The following AKT3 variants were observed in gnomAD, a reference collection of about 807,000 sequenced individuals.
AKT3 encodes the protein AKT serine/threonine kinase 3, also known as RAC-gamma serine/threonine-protein kinase.
AKT3 carries 15 observed loss-of-function variants against 65.3 expected under a neutral mutation model. The ratio of observed to expected loss-of-function variants is 0.23; its 90% CI spans 0.15 to 0.35. The LOEUF is 0.35. AKT3 is among the 10% of genes least tolerant of loss of function. AKT3 has a pLI of 1.00. For synonymous variants in AKT3, 206 were observed against 183.8 expected, an observed-to-expected ratio of 1.12 and a Z score of -0.98; for missense variants, 243 against 576.5, an observed-to-expected ratio of 0.42 and a Z score of 5.92.
intron 12 of AKT3, among the ~76,000 whole-genome samples, chr1:243,529,602 G>C (rs775660219): frequency 6.6e-6 from 1 of 152,072 alleles, no homozygotes; most frequent in South Asian, 2.1e-4. Flanking sequence ...TCAGATGTCT[G>C]TAACTGTGTG....
intron 9 of AKT3, among the ~76,000 whole-genome samples, chr1:243,570,054 CT>C (rs1450041589): frequency 6.6e-6 from 1 of 152,122 alleles, no homozygotes; most frequent in Non-Finnish European, 1.5e-5. Context: ...ATTAAATGAA[CT>C]TACTTTCTAA....
chr1:243,540,475 ACAT>A (rs1317524911), intron 12 of AKT3, among the ~76,000 whole-genome samples: 1 of 152,208 alleles, frequency 6.6e-6, no homozygotes, highest in African/African-American at 2.4e-5. Context: ...CTATATTATA[ACAT>A]CATGTTTTTA....
chr1:243,797,915 C>T (rs1211780977), intron 2 of AKT3, among the ~76,000 whole-genome samples: 2 of 147,618 alleles, frequency 1.4e-5, no homozygotes, highest in African/African-American at 4.9e-5. Context: ...TGGAGTCTCA[C>T]TCTGTCACCC....
At chr1:243,811,662 A>G (rs1347564078) in intron 2 of AKT3, among the ~76,000 whole-genome samples, 1 of 152,216 alleles carries the variant, frequency 6.6e-6, no homozygotes, top group Non-Finnish European at 1.5e-5. Flanking sequence ...ACAGAATTGG[A>G]AAAAACTACT....
chr1:243,617,500 T>C (rs1314001544), intron 6 of AKT3, among the ~76,000 whole-genome samples: 1 of 152,070 alleles, frequency 6.6e-6, no homozygotes, highest in Non-Finnish European at 1.5e-5. Context: ...TAAGATCCCA[T>C]TGCTCACAGA....
chr1:243,581,923 T>A (rs1675394690), intron 8 of AKT3, among the ~76,000 whole-genome samples: 1 of 151,424 alleles, frequency 6.6e-6, no homozygotes, highest in Non-Finnish European at 1.5e-5. Flanking sequence ...ATTGAAAAAA[T>A]TCACATAAGG....
chr1:243,614,146 A>G (rs1370668765), intron 7 of AKT3, among the ~76,000 whole-genome samples: 3 of 152,212 alleles, frequency 2.0e-5, no homozygotes, highest in Non-Finnish European at 4.4e-5. Flanking sequence ...TTCTAATACA[A>G]TGACAACATC....
chr1:243,780,248 A>G (rs1029628253), intron 2 of AKT3, among the ~76,000 whole-genome samples: 5 of 152,100 alleles, frequency 3.3e-5, no homozygotes, highest in Non-Finnish European at 7.4e-5. Flanking sequence ...CATTACTAGG[A>G]CTAGGACAAA....
intron 1 of AKT3, among the ~76,000 whole-genome samples, chr1:243,849,386 A>ACCCCCCCCCCCCCCCC (rs57424400): frequency 1.2e-4 from 13 of 107,038 alleles, no homozygotes; most frequent in South Asian, 3.4e-4. Context: ...CCACACACAC[A>ACCCCCCCCCCCCCCCC]CCCCCCCCCC....
intron 5 of AKT3, among the ~76,000 whole-genome samples, chr1:243,642,020 C>T (rs1175584416): frequency 1.3e-5 from 2 of 152,066 alleles, no homozygotes; most frequent in South Asian, 4.1e-4. Context: ...ACAGCCTTCA[C>T]TGAACTTCAC....
intron 8 of AKT3, among the ~76,000 whole-genome samples, chr1:243,599,243 C>T (rs1572006443): frequency 1.3e-5 from 2 of 151,802 alleles, no homozygotes; most frequent in East Asian, 3.9e-4. Flanking sequence ...AGTTTTTATG[C>T]AAAAGGAAAA....
chr1:243,600,388 G>A (rs1181525043), intron 8 of AKT3, among the ~76,000 whole-genome samples: 2 of 152,090 alleles, frequency 1.3e-5, no homozygotes, highest in East Asian at 1.9e-4. Flanking sequence ...AAAGATTCAA[G>A]CTGCCTGATT....
chr1:243,662,268 G>T, intron 4 of AKT3, among the ~76,000 whole-genome samples: 2 of 151,934 alleles, frequency 1.3e-5, no homozygotes, highest in Admixed American at 6.6e-5. Context: ...TATGTTTATT[G>T]TGGCACTATT....
intron 3 of AKT3, among the ~76,000 whole-genome samples, chr1:243,680,936 A>G (rs1195875005): frequency 2.0e-5 from 3 of 152,136 alleles, no homozygotes; most frequent in Non-Finnish European, 2.9e-5. Flanking sequence ...ATACAGACAG[A>G]CAGACTAGTC....
intron 8 of AKT3, among the ~76,000 whole-genome samples, chr1:243,593,199 A>G (rs1676356321): frequency 1.3e-5 from 2 of 152,236 alleles, no homozygotes; most frequent in Non-Finnish European, 2.9e-5. Context: ...CACAATACAA[A>G]ACCAGACAGA....
rs925975570 is a variant in AKT3, at chr1:243,664,757, A to G, written c.284+15T>C. 7.4e-7 allele frequency: 1 copy of G among 1,357,768 alleles called. No individual in the cohort carries two copies. The highest frequency in any genetic ancestry group is 1.5e-5 in the South Asian group (1 of 67,928). The allele number at this position is 1,357,768 out of a possible 1,614,324, so 84.1% of individuals were successfully genotyped here. On this transcript the variant is annotated intron_variant, in intron 4 of 13. Coordinates refer to ENST00000673466, the MANE Select transcript of AKT3 (RefSeq NM_005465.7). ...TGTTGCTTTTTCACAAAATGAAAAC[A>G]AGTGAATTTCTTACCTTTCCTCTGG...
chr1:243,727,310 T>C (rs751669529), intron 2 of AKT3, among the ~76,000 whole-genome samples: 9 of 152,184 alleles, frequency 5.9e-5, no homozygotes, highest in Non-Finnish European at 1.2e-4. Context: ...GATTGATTGA[T>C]TGAGACAGGG....
At chr1:243,798,589 C>G (rs1284060476) in intron 2 of AKT3, among the ~76,000 whole-genome samples, 1 of 151,868 alleles carries the variant, frequency 6.6e-6, no homozygotes, top group African/African-American at 2.4e-5. Flanking sequence ...ATTTTGTTCT[C>G]ATATCTTCTC....
At chr1:243,755,650 T>C (rs1051905938) in intron 2 of AKT3, among the ~76,000 whole-genome samples, 2 of 152,210 alleles carry the variant, frequency 1.3e-5, no homozygotes, top group African/African-American at 4.8e-5. Context: ...TCTTATAATC[T>C]TATCATAACA....
Sources: gnomAD v4.1 joint callset for allele counts (sites outside exome capture counted in the v4.1 genomes callset) on GRCh38, gnomAD v4.1.1 for gene constraint, MANE v1.5 for transcripts, NCBI Gene and HGNC (gene_info 2026-07-23, HGNC 2026-07-21) for gene names.